MPRIP: variants seen among roughly 807,000 people sequenced by gnomAD.
The protein encoded by MPRIP is myosin phosphatase Rho-interacting protein.
MPRIP carries 59 observed loss-of-function variants against 234.9 expected under a neutral mutation model. That is an observed-to-expected ratio of 0.25 (90% CI 0.20 to 0.31). The LOEUF is 0.31. MPRIP is among the 10% of genes least tolerant of loss of function. The probability of loss-of-function intolerance (pLI) is 1.00; values close to 1 mark genes in which losing one functional copy is unlikely to be tolerated. For synonymous variants in MPRIP, 1,144 were observed against 1,263.9 expected, an observed-to-expected ratio of 0.91 and a Z score of 2.01; for missense variants, 2,436 against 3,071.0, an observed-to-expected ratio of 0.79 and a Z score of 4.89.
At chr17:17,136,122 G>T (rs867331438) in intron 5 of MPRIP, 97 bp from the exon 6 acceptor site, 9 of 1,272,152 alleles carry the variant, frequency 7.1e-6, no homozygotes, top group African/African-American at 5.9e-5. Flanking sequence ...TGTGTAGCTG[G>T]CCCGGGTGCC....
At chr17:17,057,578 G>C in intron 1 of MPRIP, 1 of 717,670 alleles carries the variant, frequency 1.4e-6, no homozygotes, top group Non-Finnish European at 2.6e-6. Context: ...AGAGGGAAAA[G>C]GCCTTTGCTA....
At position 17,137,993 on chromosome 17, in the gene MPRIP, A is replaced by G; in HGVS notation, c.814A>G (p.Lys272Glu). The G allele has an allele frequency of 6.2e-7, 1 of 1,612,510 alleles. No homozygotes were observed. The highest frequency in any genetic ancestry group is 8.5e-7 in the Non-Finnish European group (1 of 1,179,574). The change falls in exon 7 of 24, where the codon AAG (lysine) becomes GAG (glutamate). Residue 272 changes from lysine to glutamate, a missense_variant. Lys to Glu is a moderately conservative substitution (Grantham distance 56, BLOSUM62 1). Transcript: ENST00000651222. ...GGAGAGCGGCTACTTCTCTCTGGAG[A>G]AGACCAAACAGGACTTGAAGGCTGA... The part of the protein sequence containing the change: ...RVESGYFSLE[K>E]TKQDLKAEEQ...
intron 3 of MPRIP, among the ~76,000 whole-genome samples, chr17:17,122,092 G>C (rs537272977): frequency 6.6e-6 from 1 of 152,206 alleles, no homozygotes; most frequent in South Asian, 2.1e-4. Context: ...CTTTGCTATT[G>C]TGAATAGTGC....
chr17:17,053,504 C>T (rs1330138724), intron 1 of MPRIP, among the ~76,000 whole-genome samples: 1 of 152,176 alleles, frequency 6.6e-6, no homozygotes, highest in African/African-American at 2.4e-5. Flanking sequence ...TAGTATGGAG[C>T]TGTGTGTGGG....
chr17:17,074,738 G>A (rs2089288020), intron 1 of MPRIP, among the ~76,000 whole-genome samples: 1 of 152,156 alleles, frequency 6.6e-6, no homozygotes. Flanking sequence ...TCTGTAATAT[G>A]TGGGCTTTTG....
intron 4 of MPRIP, among the ~76,000 whole-genome samples, chr17:17,131,260 CCTAAATGGGCACAG>C (rs1344155603): frequency 6.6e-6 from 1 of 152,202 alleles, no homozygotes; most frequent in Non-Finnish European, 1.5e-5. Context: ...CCTCTGTTGC[CCTAAATGGGCACAG>C]CTCGTCTGTA....
chr17:17,158,325 TGTG>T (rs1248698932), intron 13 of MPRIP, 104 bp from the exon 14 acceptor site: 1 of 891,866 alleles, frequency 1.1e-6, no homozygotes. Flanking sequence ...AGAAAAAGGA[TGTG>T]GTGCTCACAG....
chr17:17,071,791 C>T (rs192247123), intron 1 of MPRIP, among the ~76,000 whole-genome samples: 90 of 152,246 alleles, frequency 5.9e-4, no homozygotes, highest in Admixed American at 1.4e-3. Context: ...CTGGGAGGAC[C>T]TGCATAGAAA....
At chr17:17,162,001 G>A (rs1437965907) in intron 15 of MPRIP, among the ~76,000 whole-genome samples, 1 of 152,258 alleles carries the variant, frequency 6.6e-6, no homozygotes, top group East Asian at 1.9e-4. Context: ...CCTGCAGCGT[G>A]CCAGGCCTTG....
At position 17,177,327 on chromosome 17, in the gene MPRIP, C is replaced by T. The variant is rs2046276570; in HGVS notation, c.7035C>T (p.Asp2345=). The T allele has an allele frequency of 6.2e-7, 1 of 1,613,952 alleles. No individual in the cohort carries two copies. Among genetic ancestry groups the T allele is most frequent in the Non-Finnish European group, 8.5e-7 (1 of 1,179,998 alleles). The part of the protein sequence containing the change: ...LSIAKAKADC[D]ISRLKEQLKA... ...TCGCGAAGGCTAAGGCTGACTGTGA[C>T]ATCAGCAGGTTGAAGGAGCAGCTCA... The change falls in exon 22 of 24, where the codon GAC becomes GAT. Residue 2345 remains aspartate (D), a synonymous_variant. Transcript: ENST00000651222.
At chr17:17,119,197 CTTAG>C (rs1489504224) in intron 3 of MPRIP, among the ~76,000 whole-genome samples, 17 of 152,240 alleles carry the variant, frequency 1.1e-4, no homozygotes, top group Non-Finnish European at 1.9e-4. Context: ...AGGACCTCTC[CTTAG>C]ACCTGGCTCG....
At chr17:17,047,920 C>T (rs2088406791) in intron 1 of MPRIP, among the ~76,000 whole-genome samples, 1 of 151,948 alleles carries the variant, frequency 6.6e-6, no homozygotes, top group South Asian at 2.1e-4. Flanking sequence ...AGGAAGCCCC[C>T]ATGTAGTGGG....
intron 12 of MPRIP, among the ~76,000 whole-genome samples, 200 bp from the exon 13 acceptor site, chr17:17,154,102 GTCCC>G (rs2045671716): frequency 6.6e-6 from 1 of 152,110 alleles, no homozygotes; most frequent in Non-Finnish European, 1.5e-5. Flanking sequence ...ACAAATACAC[GTCCC>G]TCCCACAGCT....
intron 3 of MPRIP, among the ~76,000 whole-genome samples, chr17:17,085,015 A>T (rs1194698541): frequency 6.6e-6 from 1 of 152,228 alleles, no homozygotes. Flanking sequence ...TTTATGGGTC[A>T]GTCTTATACT....
chr17:17,177,221 C>G, intron 21 of MPRIP, 29 bp from the exon 22 acceptor site: 2 of 1,603,648 alleles, frequency 1.2e-6, no homozygotes, highest in Non-Finnish European at 1.7e-6. Context: ...CTGGATGTAA[C>G]TACCATTCTC....
At chr17:17,131,517 A>G (rs1268341476) in intron 4 of MPRIP, 100 bp from the exon 5 acceptor site, 1 of 951,286 alleles carries the variant, frequency 1.1e-6, no homozygotes, top group Non-Finnish European at 1.7e-6. Context: ...CACTGGGGAC[A>G]ATGCCCTGCT....
intron 3 of MPRIP, among the ~76,000 whole-genome samples, chr17:17,104,076 G>T (rs1453589747): frequency 6.6e-6 from 1 of 152,142 alleles, no homozygotes; most frequent in Admixed American, 6.5e-5. Flanking sequence ...TGTTTGATTT[G>T]TGTCAGATAT....
intron 1 of MPRIP, among the ~76,000 whole-genome samples, chr17:17,048,062 T>C (rs1337164851): frequency 6.6e-6 from 1 of 151,268 alleles, no homozygotes; most frequent in Non-Finnish European, 1.5e-5. Flanking sequence ...GATGTCTCTT[T>C]CTCCTGCTGA....
chr17:17,165,019 A>G lies in MPRIP; in HGVS notation c.3428A>G (p.Gln1143Arg). The change falls in exon 16 of 24, where the codon CAG becomes CGG. Residue 1143 changes from glutamine (Q) to arginine (R), a missense_variant. By Grantham distance (43) the Gln-to-Arg change is conservative (BLOSUM62 1). Transcript: ENST00000651222. ...EKLRRREADN[Q>R]SLEHSYQRVS... ...CTGAGGAGAAGAGAGGCTGACAACC[A>G]GAGCCTGGAGCACTCCTACCAGAGG... is the stretch of plus-strand genomic sequence containing the variant. 1 of 1,301,836 alleles carries G rather than the reference A, an allele frequency of 7.7e-7. No individual in the cohort carries two copies. 80.6% of individuals were successfully genotyped at this position (1,301,836 alleles called of 1,614,324 possible). A position where few individuals can be genotyped will look rare whatever the true frequency, so the allele number is the denominator to read the frequency against.
Sources: gnomAD v4.1 joint callset for allele counts (sites outside exome capture counted in the v4.1 genomes callset) on GRCh38, gnomAD v4.1.1 for gene constraint, MANE v1.5 for transcripts, NCBI Gene and HGNC (gene_info 2026-07-23, HGNC 2026-07-21) for gene names.